NRP1: variants seen among roughly 807,000 people sequenced by gnomAD.
NRP1 encodes the protein neuropilin 1, also known as neuropilin-1.
A neutral mutation model predicts 106.7 loss-of-function variants in NRP1; 35 were observed. The observed-to-expected ratio is 0.33, with a 90% CI of 0.25 to 0.43. The LOEUF (loss-of-function observed/expected upper bound fraction) is 0.43. Among genes scored for constraint, NRP1 ranks in the 20% least tolerant of loss-of-function variants. The pLI is 1.00. For missense variants in NRP1, 1,024 were observed against 1,170.4 expected (o/e 0.87, Z 1.83); for synonymous variants, 437 against 417.9 (o/e 1.05, Z -0.56).
chr10:33,294,812 C>G (rs1015634613), intron 2 of NRP1, among the ~76,000 whole-genome samples: 1 of 152,086 alleles, frequency 6.6e-6, no homozygotes, highest in Non-Finnish European at 1.5e-5. Flanking sequence ...TCCTCATCTG[C>G]AACCTAAGGG....
intron 2 of NRP1, among the ~76,000 whole-genome samples, chr10:33,321,133 C>A (rs2776923): frequency 0.56 from 85,547 of 151,942 alleles, 28,208 homozygotes; most frequent in Non-Finnish European, 0.71. Context: ...ATTACAGGTG[C>A]GTGCCACCAC....
At chr10:33,239,482 C>A (rs777449687) in intron 6 of NRP1, among the ~76,000 whole-genome samples, 2 of 152,222 alleles carry the variant, frequency 1.3e-5, no homozygotes, top group African/African-American at 2.4e-5. Context: ...GGTGTTTGAG[C>A]AACTGACTTA....
At chr10:33,200,158 G>A (rs958363925) in intron 11 of NRP1, among the ~76,000 whole-genome samples, 56 of 152,168 alleles carry the variant, frequency 3.7e-4, no homozygotes, top group African/African-American at 1.1e-3. Flanking sequence ...TGGTCTTATA[G>A]GAGAAAGATT....
At chr10:33,195,326 G>T (rs933650731) in intron 12 of NRP1, 2 of 355,052 alleles carry the variant, frequency 5.6e-6, no homozygotes, top group Admixed American at 3.7e-5. Flanking sequence ...TAGAGCTCTC[G>T]CCAGAGAGAG....
At chr10:33,289,578 G>A (rs1001320130) in intron 2 of NRP1, among the ~76,000 whole-genome samples, 3 of 152,226 alleles carry the variant, frequency 2.0e-5, no homozygotes, top group African/African-American at 7.2e-5. Context: ...ATTGTTCCTC[G>A]AAGAGCGGCA....
chr10:33,221,048 T>C (rs773192814), intron 8 of NRP1, among the ~76,000 whole-genome samples: 2 of 151,022 alleles, frequency 1.3e-5, no homozygotes. Context: ...CCAAGCAACA[T>C]AGGGGTTACA....
At chr10:33,317,228 C>T (rs1847103081) in intron 2 of NRP1, among the ~76,000 whole-genome samples, 1 of 152,168 alleles carries the variant, frequency 6.6e-6, no homozygotes, top group African/African-American at 2.4e-5. Context: ...TCACATAAGG[C>T]CATTCATGAG....
rs1418564182 is a variant in NRP1, at chr10:33,253,917, C to A, written c.981+111G>T. 4.3e-6 allele frequency: 4 copies of A among 928,718 alleles called. No individual in the cohort carries two copies. In the East Asian group the frequency reaches 1.0e-4, roughly 23 times the overall value. 57.5% of individuals were successfully genotyped at this position (928,718 alleles called of 1,614,324 possible). On this transcript the variant is annotated intron_variant, in intron 6 of 16. Transcript: ENST00000374867. ...GTGATTTATACCTGATGGCCGTGAA[C>A]CTATCTTCTCATTGGAGGCCATTTG...
At chr10:33,194,959 C>A (rs1238561286) in intron 12 of NRP1, among the ~76,000 whole-genome samples, 2 of 152,296 alleles carry the variant, frequency 1.3e-5, no homozygotes, top group South Asian at 4.1e-4. Context: ...CAAGCCCTGG[C>A]GGGGCACACA....
At chr10:33,218,770 C>T (rs1305062315) in intron 8 of NRP1, among the ~76,000 whole-genome samples, 2 of 152,168 alleles carry the variant, frequency 1.3e-5, no homozygotes, top group Admixed American at 1.3e-4. Flanking sequence ...TAGGCTTAAA[C>T]AAAATCCAGA....
chr10:33,263,308 T>A (rs1347155160), intron 4 of NRP1, among the ~76,000 whole-genome samples: 1 of 152,208 alleles, frequency 6.6e-6, no homozygotes, highest in Admixed American at 6.5e-5. Flanking sequence ...TGTGAATTAA[T>A]GATGAGTAGC....
chr10:33,235,187 C>T (rs568052188), intron 6 of NRP1, among the ~76,000 whole-genome samples: 25 of 152,302 alleles, frequency 1.6e-4, no homozygotes, highest in African/African-American at 6.0e-4. Context: ...CCATCTGGTT[C>T]TGTTTGAATA....
At position 33,186,434 on chromosome 10, in the gene NRP1, G is replaced by A. The variant is rs774346921; in HGVS notation, c.2117C>T (p.Ala706Val). ...ATAAACCACAGGGCTCACCAGGCGA[G>A]CCACTTTGCCCTTCTGATTTTCGTC... ...QADENQKGKV[A>V]RLVSPVVYSQ... Residue 706 changes from alanine to valine, a missense_variant, in exon 14 of 17, where the codon GCT becomes GTT. This residue lies in a region of NRP1 where 562 missense variants were observed against 620.3 expected (regional missense o/e 0.91). Coordinates refer to ENST00000374867, the MANE Select transcript of NRP1 (RefSeq NM_003873.7). The A allele has an allele frequency of 1.1e-5, 18 of 1,613,954 alleles. No individual in the cohort carries two copies. The highest frequency in any genetic ancestry group is 1.3e-5 in the African/African-American group (1 of 74,928).
intron 2 of NRP1, among the ~76,000 whole-genome samples, chr10:33,295,521 A>C (rs1236105830): frequency 6.6e-6 from 1 of 152,174 alleles, no homozygotes; most frequent in Non-Finnish European, 1.5e-5. Context: ...CAGCCTGGGC[A>C]AAAGAGCCAG....
At chr10:33,231,481 A>G (rs1487787383) in intron 6 of NRP1, among the ~76,000 whole-genome samples, 1 of 152,232 alleles carries the variant, frequency 6.6e-6, no homozygotes, top group Non-Finnish European at 1.5e-5. Context: ...TATTACCTCT[A>G]TGCCTGATAA....
In NRP1 at chr10:33,210,530, A is replaced by G. The variant is rs139956177; in HGVS notation, c.1615-2814T>C. The stretch of plus-strand genomic sequence containing the variant: ...AAGAATATTAGCAATGAAAACCCAT[A>G]TGGAACTAGGCTAACTGATATAATA... On this transcript the variant is annotated intron_variant, in intron 9 of 16. Coordinates refer to ENST00000374867, the MANE Select transcript of NRP1 (RefSeq NM_003873.7). Among the ~76,000 whole-genome samples, 536 of 152,314 alleles carry G rather than the reference A, an allele frequency of 3.5e-3. 5 individuals carry two copies. Among genetic ancestry groups the G allele is most frequent in the African/African-American group, 0.012 (518 of 41,568 alleles).
At chr10:33,328,781 C>T (rs1336175897) in intron 2 of NRP1, among the ~76,000 whole-genome samples, 1 of 152,170 alleles carries the variant, frequency 6.6e-6, no homozygotes, top group Non-Finnish European at 1.5e-5. Flanking sequence ...GAGGACTTGA[C>T]TCGTCTTCTC....
intron 4 of NRP1, among the ~76,000 whole-genome samples, chr10:33,260,905 A>G (rs1842524411): frequency 6.6e-6 from 1 of 151,770 alleles, no homozygotes; most frequent in African/African-American, 2.4e-5. Flanking sequence ...AAAGGATATC[A>G]AAGACTAAAA....
intron 8 of NRP1, among the ~76,000 whole-genome samples, chr10:33,219,442 T>C (rs1839051258): frequency 6.6e-6 from 1 of 152,216 alleles, no homozygotes; most frequent in African/African-American, 2.4e-5. Context: ...AGAGACATTT[T>C]ACTAGAGAGA....
Sources: gnomAD v4.1 joint callset for allele counts (sites outside exome capture counted in the v4.1 genomes callset) on GRCh38, gnomAD v4.1.1 for gene constraint, gnomAD v4.1.1 regional missense constraint, MANE v1.5 for transcripts, NCBI Gene and HGNC (gene_info 2026-07-23, HGNC 2026-07-21) for gene names.